The following STK39 variants were observed in gnomAD, a reference collection of about 807,000 sequenced individuals.
STK39 encodes the protein STE20/SPS1-related proline-alanine-rich protein kinase.
STK39 carries 20 observed loss-of-function variants against 77.8 expected under a neutral mutation model. That is an observed-to-expected ratio of 0.26 (90% CI 0.18 to 0.37). The LOEUF is 0.37. Ranked by LOEUF, STK39 falls within the 10% of genes least tolerant of loss-of-function variation. The probability of loss-of-function intolerance (pLI) is 1.00; values close to 1 mark genes in which losing one functional copy is unlikely to be tolerated. For synonymous variants in STK39, 246 were observed against 234.1 expected, an observed-to-expected ratio of 1.05 and a Z score of -0.47; for missense variants, 479 against 656.5, an observed-to-expected ratio of 0.73 and a Z score of 2.95.
intron 12 of STK39, among the ~76,000 whole-genome samples, chr2:168,066,228 T>C (rs927194272): frequency 3.3e-5 from 5 of 152,164 alleles, no homozygotes; most frequent in Admixed American, 6.5e-5. Flanking sequence ...AGTGAAGTAA[T>C]AGGGAAAAGT....
intron 2 of STK39, among the ~76,000 whole-genome samples, chr2:168,178,328 G>C (rs1689002510): frequency 6.6e-6 from 1 of 152,188 alleles, no homozygotes; most frequent in Non-Finnish European, 1.5e-5. Flanking sequence ...TCAGAGATCA[G>C]AGTACAGTTA....
chr2:168,239,805 C>A (rs1466998383), intron 1 of STK39, among the ~76,000 whole-genome samples: 1 of 152,156 alleles, frequency 6.6e-6, no homozygotes, highest in African/African-American at 2.4e-5. Flanking sequence ...ATACAATTTG[C>A]AGATAGTGTG....
At chr2:168,073,647 GA>G (rs1362778685) in intron 12 of STK39, among the ~76,000 whole-genome samples, 1 of 152,092 alleles carries the variant, frequency 6.6e-6, no homozygotes. Flanking sequence ...ATATTTTTCT[GA>G]GGTGCAGTCT....
At chr2:168,200,807 G>T (rs1333727332) in intron 1 of STK39, among the ~76,000 whole-genome samples, 1 of 151,974 alleles carries the variant, frequency 6.6e-6, no homozygotes, top group African/African-American at 2.4e-5. Flanking sequence ...TTTTGTTTCA[G>T]TTTATAAAGA....
At chr2:168,213,565 A>G (rs1304146304) in intron 1 of STK39, among the ~76,000 whole-genome samples, 1 of 152,010 alleles carries the variant, frequency 6.6e-6, no homozygotes, top group Admixed American at 6.6e-5. Context: ...GTGTGCCTGT[A>G]TTCCCAGCTA....
In STK39 at chr2:168,031,621, G is replaced by T. The variant is rs148628006; in HGVS notation, c.1377-14526C>A. Among the ~76,000 whole-genome samples the T allele has an allele frequency of 2.2e-3, 338 of 152,284 alleles. 4 individuals are homozygous for T. Among genetic ancestry groups the T allele is most frequent in the African/African-American group, 7.8e-3 (325 of 41,562 alleles). Reference sequence around the variant, plus strand: ...GGTGGGCCCTAATCCAACAGGACAGGTGTCGTTATAAGAAGAGATTAGGAC... The same window carrying T: ...GGTGGGCCCTAATCCAACAGGACAGTTGTCGTTATAAGAAGAGATTAGGAC... On this transcript the variant is annotated intron_variant, in intron 14 of 17. Transcript: ENST00000355999.
At chr2:168,011,446 TAATA>T (rs969942307) in intron 16 of STK39, among the ~76,000 whole-genome samples, 80 of 152,316 alleles carry the variant, frequency 5.3e-4, no homozygotes, top group African/African-American at 1.8e-3. Context: ...TTAATATAAT[TAATA>T]ATTAACATAA....
chr2:168,044,857 AACAGGTAAT>A (rs1403678942), intron 14 of STK39, among the ~76,000 whole-genome samples: 1 of 152,236 alleles, frequency 6.6e-6, no homozygotes, highest in Admixed American at 6.5e-5. Context: ...CTAAGGGCCA[AACAGGTAAT>A]AATTCCAACA....
intron 1 of STK39, among the ~76,000 whole-genome samples, chr2:168,239,862 G>T (rs1385687238): frequency 6.6e-6 from 1 of 152,246 alleles, no homozygotes; most frequent in African/African-American, 2.4e-5. Context: ...AAGGGCAAGG[G>T]GGGAGGGGGG....
At chr2:168,171,991 G>C (rs945656136) in intron 2 of STK39, among the ~76,000 whole-genome samples, 7 of 151,986 alleles carry the variant, frequency 4.6e-5, no homozygotes, top group Non-Finnish European at 8.8e-5. Flanking sequence ...CAGCTGGCTT[G>C]GAAGCTTGGC....
intron 14 of STK39, among the ~76,000 whole-genome samples, chr2:168,040,793 CTG>C (rs1476847878): frequency 8.5e-5 from 13 of 152,186 alleles, no homozygotes; most frequent in African/African-American, 3.1e-4. Flanking sequence ...GAAACTATCT[CTG>C]TATATGTTTA....
chr2:168,240,224 A>C (rs1187636853), intron 1 of STK39, among the ~76,000 whole-genome samples: 1 of 152,148 alleles, frequency 6.6e-6, no homozygotes, highest in Non-Finnish European at 1.5e-5. Context: ...ATGTGGCTGA[A>C]AAGGGAGGCA....
intron 5 of STK39, among the ~76,000 whole-genome samples, chr2:168,156,321 C>T (rs568714799): frequency 6.6e-6 from 1 of 152,150 alleles, no homozygotes; most frequent in Non-Finnish European, 1.5e-5. Context: ...ACAGGCAGGT[C>T]CCTCATCTGC....
chr2:167,998,202 T>C, intron 16 of STK39, among the ~76,000 whole-genome samples: 1 of 152,212 alleles, frequency 6.6e-6, no homozygotes, highest in African/African-American at 2.4e-5. Flanking sequence ...GGGAAAACAC[T>C]GCCCCAGCCC....
At chr2:168,142,489 GCAA>G (rs1274664862) in intron 5 of STK39, among the ~76,000 whole-genome samples, 1 of 152,054 alleles carries the variant, frequency 6.6e-6, no homozygotes, top group Non-Finnish European at 1.5e-5. Flanking sequence ...TGCAATTGAA[GCAA>G]CTCTGCACCC....
At chr2:168,178,605 GTAAC>G (rs1168398827) in intron 2 of STK39, among the ~76,000 whole-genome samples, 1 of 152,130 alleles carries the variant, frequency 6.6e-6, no homozygotes, top group East Asian at 1.9e-4. Flanking sequence ...TATTTGATCT[GTAAC>G]TAACTTATCT....
At chr2:168,190,346 G>A (rs1463496760) in intron 1 of STK39, among the ~76,000 whole-genome samples, 1 of 152,172 alleles carries the variant, frequency 6.6e-6, no homozygotes, top group Non-Finnish European at 1.5e-5. Flanking sequence ...TATTCAATGT[G>A]TTATCTCTAA....
At chr2:168,128,491 T>C (rs1687601200) in intron 10 of STK39, among the ~76,000 whole-genome samples, 1 of 152,056 alleles carries the variant, frequency 6.6e-6, no homozygotes, top group African/African-American at 2.4e-5. Context: ...ATCTCCAAAG[T>C]CAACACATCA....
At chr2:167,958,240 T>G (rs1691840804) in intron 17 of STK39, among the ~76,000 whole-genome samples, 1 of 152,194 alleles carries the variant, frequency 6.6e-6, no homozygotes, top group East Asian at 1.9e-4. Context: ...TCTTAGAAAT[T>G]AAAGCTGAGA....
Sources: allele counts gnomAD v4.1 joint callset (sites outside exome capture counted in the v4.1 genomes callset), GRCh38; gene constraint gnomAD v4.1.1; transcripts MANE v1.5; gene names NCBI Gene and HGNC (gene_info 2026-07-23, HGNC 2026-07-21).